The following TENT2 variants were observed in gnomAD, a reference collection of about 807,000 sequenced individuals.
TENT2 encodes the protein terminal nucleotidyltransferase 2.
In TENT2, 44 loss-of-function variants were observed where a neutral mutation model predicts 72.2. The ratio of observed to expected loss-of-function variants is 0.61; its 90% CI spans 0.48 to 0.78. The LOEUF (loss-of-function observed/expected upper bound fraction) is 0.78. TENT2 is among the 30% of genes least tolerant of loss of function. The pLI is 0.00. For synonymous variants in TENT2, 212 were observed against 192.5 expected (o/e 1.10, Z -0.84); for missense variants, 541 against 569.6 (o/e 0.95, Z 0.51).
chr5:79,669,630 A>T (rs1811315070), intron 12 of TENT2, among the ~76,000 whole-genome samples: 1 of 152,048 alleles, frequency 6.6e-6, no homozygotes, highest in Non-Finnish European at 1.5e-5. Flanking sequence ...ATCAATCTGG[A>T]AAAGCTTGAG....
chr5:79,623,826 C>T (rs1767050868), intron 4 of TENT2, among the ~76,000 whole-genome samples: 1 of 149,942 alleles, frequency 6.7e-6, no homozygotes, highest in South Asian at 2.1e-4. Context: ...AGTGTTAGAA[C>T]ACATTTTATT....
chr5:79,681,221 G>A (rs1190828591), intron 13 of TENT2, among the ~76,000 whole-genome samples: 3 of 135,474 alleles, frequency 2.2e-5, no homozygotes, highest in Admixed American at 8.2e-5. Flanking sequence ...GTGCAGTGGC[G>A]TGATCTCGGC....
intron 9 of TENT2, 23 bp downstream of exon 9, chr5:79,648,716 A>T (rs766248777): frequency 6.6e-7 from 1 of 1,520,348 alleles, no homozygotes; most frequent in Non-Finnish European, 8.9e-7. Context: ...TTTGTTTATT[A>T]AAAATTAGCC....
chr5:79,625,877 T>C (rs1409171070), intron 4 of TENT2, among the ~76,000 whole-genome samples: 3 of 152,020 alleles, frequency 2.0e-5, no homozygotes, highest in African/African-American at 7.2e-5. Flanking sequence ...CCGCCCAGGC[T>C]GGAGTGCAGT....
intron 11 of TENT2, among the ~76,000 whole-genome samples, chr5:79,661,479 C>T (rs749195761): frequency 1.9e-4 from 29 of 152,236 alleles, no homozygotes; most frequent in Non-Finnish European, 3.7e-4. Flanking sequence ...TGCAGGCATA[C>T]GTTTGAGGTG....
At chr5:79,644,019 A>G (rs760435155) in intron 7 of TENT2, among the ~76,000 whole-genome samples, 12 of 147,252 alleles carry the variant, frequency 8.1e-5, no homozygotes, top group South Asian at 4.2e-4. Flanking sequence ...GTCTCGCTCT[A>G]TCACGAGGCT....
At chr5:79,641,283 T>TG in intron 6 of TENT2, 87 bp downstream of exon 6, 1 of 1,162,300 alleles carries the variant, frequency 8.6e-7, no homozygotes, top group South Asian at 1.7e-5. Flanking sequence ...GGAAAAAACT[T>TG]GCTTTGTTGT....
intron 10 of TENT2, among the ~76,000 whole-genome samples, chr5:79,655,964 A>T (rs1797667231): frequency 6.6e-6 from 1 of 151,936 alleles, no homozygotes; most frequent in African/African-American, 2.4e-5. Flanking sequence ...CATTACATTT[A>T]CATTAATAGA....
intron 12 of TENT2, among the ~76,000 whole-genome samples, chr5:79,676,807 T>C (rs1449095013): frequency 1.3e-5 from 2 of 151,646 alleles, no homozygotes. Context: ...CTGTATCTTA[T>C]TTTACACTTT....
intron 4 of TENT2, among the ~76,000 whole-genome samples, chr5:79,633,512 C>T (rs1195559225): frequency 7.0e-6 from 1 of 142,228 alleles, no homozygotes; most frequent in African/African-American, 2.7e-5. Context: ...TTGATCTCAG[C>T]TCACTGCAAT....
Position 79,645,212 on chromosome 5 carries a change from TC to T in TENT2, c.821+21del. On this transcript the variant is annotated intron_variant, in intron 8 of 14. Coordinates refer to ENST00000453514, the MANE Select transcript of TENT2 (RefSeq NM_001114394.3). ...AGTCAGGTAAATAATTAATGAGCTT[TC>T]TTTTTTTAGTTCCTTTAGATCATTT... is the stretch of plus-strand genomic sequence containing the variant. 6.3e-7 allele frequency: 1 copy of T among 1,586,244 alleles called. No homozygotes were observed. Among genetic ancestry groups the T allele is most frequent in the African/African-American group, 1.4e-5 (1 of 73,432 alleles).
At chr5:79,649,240 A>G (rs776404330) in intron 10 of TENT2, 50 bp downstream of exon 10, 1 of 1,548,486 alleles carries the variant, frequency 6.5e-7, no homozygotes, top group South Asian at 1.1e-5. Context: ...AGACAGCTTT[A>G]TTATGGTGTC....
In TENT2 at chr5:79,632,028, A is replaced by C. The variant is rs1023379014; in HGVS notation, c.465+8539A>C. Among the ~76,000 whole-genome samples the C allele has an allele frequency of 3.3e-5, 5 of 152,332 alleles. No homozygotes were observed. In the East Asian group the frequency reaches 7.7e-4, roughly 24 times the overall value. Reference sequence around the variant, plus strand: ...AATCTGTTGAGACTGGAGAAGATAAAGTAGGATATCAGAGGTTTGAGAATA... The same window carrying C: ...AATCTGTTGAGACTGGAGAAGATAACGTAGGATATCAGAGGTTTGAGAATA... On this transcript the variant is annotated intron_variant, in intron 4 of 14. Coordinates refer to ENST00000453514, the MANE Select transcript of TENT2 (RefSeq NM_001114394.3).
Position 79,648,669 on chromosome 5 carries a change from T to A in TENT2, c.874T>A (p.Phe292Ile). The change falls in exon 9 of 15, where the codon TTC becomes ATC. Residue 292 changes from phenylalanine (F) to isoleucine (I), a missense_variant. By Grantham distance (21) the Phe-to-Ile change is conservative. Transcript: ENST00000453514. ...VNNIVGIRNTFLLRTYAYLEN... is the reference protein window; with the variant it reads ...VNNIVGIRNTILLRTYAYLEN... ...CAATATTGTTGGAATAAGAAACACA[T>A]TCCTTCTCAGAACTTATGCATACCG... 6.3e-7 allele frequency: 1 copy of A among 1,598,032 alleles called. No homozygotes were observed. The highest frequency in any genetic ancestry group is 1.1e-5 in the South Asian group (1 of 87,298).
chr5:79,682,649 T>C (rs1822974979), intron 14 of TENT2, among the ~76,000 whole-genome samples: 1 of 152,136 alleles, frequency 6.6e-6, no homozygotes, highest in Non-Finnish European at 1.5e-5. Context: ...CCTAATGGAC[T>C]CTTTTCCTTC....
Position 79,648,677 on chromosome 5 carries a change from C to T in TENT2, c.882C>T (p.Leu294=), listed in dbSNP as rs1441163901. The part of the protein sequence containing the change: ...NIVGIRNTFL[L]RTYAYLENRV... ...TTGGAATAAGAAACACATTCCTTCT[C>T]AGAACTTATGCATACCGTAAGTTTG... Residue 294 remains leucine (L), a synonymous_variant, in exon 9 of 15, where the codon CTC becomes CTT. Transcript: ENST00000453514. 6.3e-7 allele frequency: 1 copy of T among 1,595,958 alleles called. No homozygotes were observed. The highest frequency in any genetic ancestry group is 8.5e-7 in the Non-Finnish European group (1 of 1,170,936).
intron 12 of TENT2, among the ~76,000 whole-genome samples, chr5:79,672,426 A>G (rs886493741): frequency 3.3e-5 from 5 of 152,024 alleles, no homozygotes. Context: ...ATTTTCTTGT[A>G]CTCATTAACA....
At chr5:79,670,160 A>G (rs1461222269) in intron 12 of TENT2, among the ~76,000 whole-genome samples, 1 of 151,382 alleles carries the variant, frequency 6.6e-6, no homozygotes, top group African/African-American at 2.4e-5. Flanking sequence ...TGGGGGTTGC[A>G]GTAAGCTGAG....
chr5:79,683,690 C>T lies in TENT2; in HGVS notation c.1381-1509C>T, dbSNP rs1005587546. ...CAGCACTTTGGGAGGCCGAGGCGGG[C>T]GGATCACGAGGTCAGGAGATCGAGA... On this transcript the variant is annotated intron_variant, in intron 14 of 14. Coordinates refer to ENST00000453514, the MANE Select transcript of TENT2 (RefSeq NM_001114394.3). Among the ~76,000 whole-genome samples the T allele has an allele frequency of 7.3e-5, 11 of 151,568 alleles. 1 individual carries two copies. The highest frequency in any genetic ancestry group is 6.8e-3 in the Middle Eastern group (2 of 294).
Sources: gnomAD v4.1 joint callset for allele counts (sites outside exome capture counted in the v4.1 genomes callset) on GRCh38, gnomAD v4.1.1 for gene constraint, MANE v1.5 for transcripts, NCBI Gene and HGNC (gene_info 2026-07-23, HGNC 2026-07-21) for gene names.